The following IGSF21 variants were observed in gnomAD, a reference collection of about 807,000 sequenced individuals.
IGSF21 encodes immunoglobulin superfamily member 21.
IGSF21 carries 28 observed loss-of-function variants against 46.8 expected under a neutral mutation model. The ratio of observed to expected loss-of-function variants is 0.60; its 90% CI spans 0.44 to 0.82. The LOEUF (loss-of-function observed/expected upper bound fraction) is 0.82, where lower values mean the gene tolerates loss of function less well. IGSF21 is among the 40% of genes least tolerant of loss of function. The pLI is 0.00. For missense variants in IGSF21, 624 were observed against 665.5 expected (o/e 0.94, Z 0.69); for synonymous variants, 284 against 273.6 (o/e 1.04, Z -0.38).
chr1:18,273,476 CTTTCTTTCT>C (rs1234723310), intron 2 of IGSF21, among the ~76,000 whole-genome samples: 2 of 49,504 alleles, frequency 4.0e-5, no homozygotes, highest in African/African-American at 7.6e-5. Flanking sequence ...TTCTTTCTTT[CTTTCTTTCT>C]TTCTTTCTTT....
At chr1:18,213,549 T>C (rs962124186) in intron 1 of IGSF21, among the ~76,000 whole-genome samples, 70 of 152,030 alleles carry the variant, frequency 4.6e-4, no homozygotes, top group African/African-American at 1.7e-3. Flanking sequence ...AGCAGGAAAG[T>C]CATATTCCCC....
In IGSF21 at chr1:18,335,080, C is replaced by T. The variant is rs537541886; in HGVS notation, c.424+70C>T. 86 of 1,226,196 alleles carry T rather than the reference C, an allele frequency of 7.0e-5. No homozygotes were observed. Among genetic ancestry groups the T allele is most frequent in the Non-Finnish European group, 8.7e-5 (72 of 831,894 alleles). 76.0% of individuals were successfully genotyped at this position (1,226,196 alleles called of 1,614,324 possible). A position where few individuals can be genotyped will look rare whatever the true frequency, so the allele number is the denominator to read the frequency against. On this transcript the variant is annotated intron_variant, in intron 4 of 9. Transcript: ENST00000251296. This position sits in a 1 kb window ranked among gnomAD's most constrained non-coding sequence, Gnocchi z 4.8. ...GAGTATGCTTGAGTGTGTGAATGTG[C>T]GCACAGAGTGGCCATCCTGGGGGCC...
At chr1:18,262,445 G>T (rs1258540377) in intron 2 of IGSF21, among the ~76,000 whole-genome samples, 1 of 152,152 alleles carries the variant, frequency 6.6e-6, no homozygotes, top group Non-Finnish European at 1.5e-5. Flanking sequence ...TGGGATTTAG[G>T]TAAAGTCTAT....
Position 18,268,590 on chromosome 1 carries a change from T to C in IGSF21, c.184-23276T>C, listed in dbSNP as rs547300114. On this transcript the variant is annotated intron_variant, in intron 2 of 9. Transcript: ENST00000251296. The stretch of plus-strand genomic sequence containing the variant: ...CCCAACTCAGGTGCGCGGTGAAACC[T>C]GCAGCTGTGGTTTGCCTCATCTCTC... Among the ~76,000 whole-genome samples, 6 of 152,358 alleles carry C rather than the reference T, an allele frequency of 3.9e-5. No homozygotes were observed. The South Asian group carries it at 1.2e-3, about 32-fold the overall frequency.
chr1:18,176,366 G>T (rs1280734330), intron 1 of IGSF21, among the ~76,000 whole-genome samples: 1 of 152,168 alleles, frequency 6.6e-6, no homozygotes. Context: ...ACGATCACAG[G>T]CTCTGGGGCC....
intron 1 of IGSF21, among the ~76,000 whole-genome samples, chr1:18,147,306 T>A (rs1570267591): frequency 6.6e-6 from 1 of 152,282 alleles, no homozygotes; most frequent in African/African-American, 2.4e-5. Context: ...CCTCACCCTG[T>A]TTGATTCTCT....
intron 4 of IGSF21, among the ~76,000 whole-genome samples, chr1:18,359,383 A>AAAGAAAGGAAGAAAGGAAGG: frequency 1.6e-5 from 1 of 61,106 alleles, no homozygotes; most frequent in East Asian, 4.7e-4. Context: ...AGAAAGAAAG[A>AAAGAAAGGAAGAAAGGAAGG]AAGGAAGGAA....
intron 1 of IGSF21, among the ~76,000 whole-genome samples, chr1:18,121,664 G>A (rs988001): frequency 0.95 from 144,773 of 152,228 alleles, 69,224 homozygotes; most frequent in East Asian, 1. Context: ...CAGCCCTGCT[G>A]TTGGCCCTGC....
chr1:18,200,911 C>G (rs2087066722), intron 1 of IGSF21, among the ~76,000 whole-genome samples: 1 of 152,128 alleles, frequency 6.6e-6, no homozygotes. Context: ...GAGGAGGGGT[C>G]CACCTTTGCT....
At chr1:18,120,729 GT>G (rs956419238) in intron 1 of IGSF21, among the ~76,000 whole-genome samples, 1 of 152,226 alleles carries the variant, frequency 6.6e-6, no homozygotes, top group African/African-American at 2.4e-5. Flanking sequence ...TGAGAATGGG[GT>G]TTTAGGGTAC....
At chr1:18,283,189 C>T (rs752665744) in intron 2 of IGSF21, among the ~76,000 whole-genome samples, 4 of 152,178 alleles carry the variant, frequency 2.6e-5, no homozygotes, top group Non-Finnish European at 5.9e-5. Flanking sequence ...TGCCATCGCA[C>T]GGTAACCGGA....
At position 18,334,858 on chromosome 1, in the gene IGSF21, G is replaced by A. The variant is rs1233742371; in HGVS notation, c.306-34G>A. On this transcript the variant is annotated intron_variant, in intron 3 of 9. Coordinates refer to ENST00000251296, the MANE Select transcript of IGSF21 (RefSeq NM_032880.5). The surrounding 1 kb of genome is among the most constrained non-coding windows in gnomAD (Gnocchi z 4.3). ...ACGCTGCCTCACCCAGCCCCACGAT[G>A]AAGGGCCCTCACCCTGTCTTCTGCC... 2 of 1,530,988 alleles carry A rather than the reference G, an allele frequency of 1.3e-6. No individual in the cohort carries two copies. The highest frequency in any genetic ancestry group is 3.3e-5 in the Admixed American group (2 of 59,830). 94.8% of individuals were successfully genotyped at this position (1,530,988 alleles called of 1,614,324 possible). A position where few individuals can be genotyped will look rare whatever the true frequency, so the allele number is the denominator to read the frequency against.
chr1:18,268,706 C>T (rs2085013782), intron 2 of IGSF21, among the ~76,000 whole-genome samples: 1 of 152,168 alleles, frequency 6.6e-6, no homozygotes, highest in African/African-American at 2.4e-5. Flanking sequence ...TATTCCTCTG[C>T]AGATCCAGAA....
At chr1:18,234,177 T>A (rs563077868) in intron 2 of IGSF21, among the ~76,000 whole-genome samples, 1 of 152,264 alleles carries the variant, frequency 6.6e-6, no homozygotes, top group East Asian at 1.9e-4. Context: ...GATCTTGAGT[T>A]CAGATCTTAC....
intron 1 of IGSF21, among the ~76,000 whole-genome samples, chr1:18,117,800 T>C (rs1323165887): frequency 2.0e-5 from 3 of 152,232 alleles, no homozygotes; most frequent in African/African-American, 7.2e-5. Context: ...ACAGAGCATC[T>C]GAGCCAGAAG....
At chr1:18,357,214 G>T (rs868485758) in intron 4 of IGSF21, among the ~76,000 whole-genome samples, 37 of 150,432 alleles carry the variant, frequency 2.5e-4, no homozygotes, top group Middle Eastern at 3.5e-3. Flanking sequence ...GGTTGGGGAT[G>T]GGGGTAGATA....
At chr1:18,236,204 G>C (rs2084671395) in intron 2 of IGSF21, among the ~76,000 whole-genome samples, 2 of 152,078 alleles carry the variant, frequency 1.3e-5, no homozygotes, top group African/African-American at 2.4e-5. Flanking sequence ...GAATCATGGG[G>C]GCAGCTTCCC....
At chr1:18,231,511 T>C (rs1475872493) in intron 2 of IGSF21, among the ~76,000 whole-genome samples, 1 of 152,174 alleles carries the variant, frequency 6.6e-6, no homozygotes. Flanking sequence ...ATGCCAAAAC[T>C]ATGAGAATAG....
chr1:18,284,511 A>G (rs1427576339), intron 2 of IGSF21, among the ~76,000 whole-genome samples: 3 of 152,196 alleles, frequency 2.0e-5, no homozygotes, highest in Non-Finnish European at 4.4e-5. Flanking sequence ...TTGCCTTTGC[A>G]TTTTGCAAGA....
Sources: gnomAD v4.1 joint callset for allele counts (sites outside exome capture counted in the v4.1 genomes callset) on GRCh38, gnomAD v4.1.1 for gene constraint, Gnocchi (gnomAD v3.1) non-coding constraint, MANE v1.5 for transcripts, NCBI Gene and HGNC (gene_info 2026-07-23, HGNC 2026-07-21) for gene names.